Variants in ENTHD1 observed in about 807,000 individuals in gnomAD.
ENTHD1 encodes ENTH domain containing 1, also known as ENTH domain-containing protein 1.
A neutral mutation model predicts 39.1 loss-of-function variants in ENTHD1; 23 were observed. The ratio of observed to expected loss-of-function variants is 0.59; its 90% confidence interval spans 0.42 to 0.83. The LOEUF is 0.83. ENTHD1 is among the 40% of genes least tolerant of loss of function. ENTHD1 has a pLI of 0.00. For synonymous variants in ENTHD1, 230 were observed against 258.2 expected (o/e 0.89, Z 1.05); for missense variants, 624 against 705.4 (o/e 0.88, Z 1.31).
intron 5 of ENTHD1, among the ~76,000 whole-genome samples, chr22:39,796,809 T>C (rs773627524): frequency 6.6e-6 from 1 of 152,248 alleles, no homozygotes; most frequent in Non-Finnish European, 1.5e-5. Context: ...TTCTAAAGAA[T>C]GTTCCACATG....
rs77099034 is a variant in ENTHD1 at position 39,829,142 on chromosome 22, C to T, written c.711+6698G>A. On this transcript the variant is annotated intron_variant, in intron 4 of 6. Coordinates refer to ENST00000325157, the MANE Select transcript of ENTHD1 (RefSeq NM_152512.4). ...TACAAGAGCAGACTACTGAAGAGGACATATTGGAATGTAACAAATGCTCCT... is the reference window on the plus strand; with the variant it reads ...TACAAGAGCAGACTACTGAAGAGGATATATTGGAATGTAACAAATGCTCCT... Among the ~76,000 whole-genome samples, 478 of 152,206 alleles carry T rather than the reference C, an allele frequency of 3.1e-3. 4 individuals are homozygous for T. Among genetic ancestry groups the T allele is most frequent in the East Asian group, 0.026 (133 of 5,184 alleles).
At chr22:39,772,328 C>T (rs756114529) in intron 5 of ENTHD1, among the ~76,000 whole-genome samples, 6 of 152,256 alleles carry the variant, frequency 3.9e-5, no homozygotes, top group Non-Finnish European at 5.9e-5. Flanking sequence ...TCCTGCTGTG[C>T]GGCCCAGTTC....
chr22:39,789,331 C>A (rs1815096426), intron 5 of ENTHD1, among the ~76,000 whole-genome samples: 1 of 152,182 alleles, frequency 6.6e-6, no homozygotes, highest in Admixed American at 6.5e-5. Flanking sequence ...ACCAAATACA[C>A]TGAAAAAAAT....
intron 2 of ENTHD1, chr22:39,875,926 C>G (rs1266871089): frequency 2.5e-6 from 4 of 1,613,830 alleles, no homozygotes; most frequent in Non-Finnish European, 3.4e-6. Context: ...AATGGGTTAT[C>G]CTGATAGGTG....
intron 3 of ENTHD1, among the ~76,000 whole-genome samples, chr22:39,843,225 G>C (rs1484810827): frequency 6.6e-6 from 1 of 152,046 alleles, no homozygotes; most frequent in Non-Finnish European, 1.5e-5. Context: ...GTCCAACAAT[G>C]ATAGACTGGA....
intron 4 of ENTHD1, among the ~76,000 whole-genome samples, chr22:39,831,709 C>A (rs887961433): frequency 1.3e-5 from 2 of 151,780 alleles, no homozygotes; most frequent in African/African-American, 2.4e-5. Context: ...GTCTGTATAC[C>A]CAGCTACTTG....
At chr22:39,800,195 C>T (rs952433503) in intron 5 of ENTHD1, among the ~76,000 whole-genome samples, 2 of 152,246 alleles carry the variant, frequency 1.3e-5, no homozygotes, top group African/African-American at 4.8e-5. Context: ...CCTCTCCAAG[C>T]TCCCAGCCAA....
intron 2 of ENTHD1, among the ~76,000 whole-genome samples, chr22:39,880,564 C>T (rs191194013): frequency 5.9e-5 from 9 of 152,228 alleles, no homozygotes; most frequent in Non-Finnish European, 1.3e-4. Flanking sequence ...GGGGAGGCTA[C>T]GCATGTACAG....
intron 3 of ENTHD1, among the ~76,000 whole-genome samples, chr22:39,857,891 G>T (rs886194378): frequency 1.3e-5 from 2 of 152,120 alleles, no homozygotes; most frequent in Non-Finnish European, 2.9e-5. Flanking sequence ...AGCCTTCAGC[G>T]AGTCTTCATC....
chr22:39,803,877 T>G lies in ENTHD1; in HGVS notation c.832+17116A>C, dbSNP rs557488633. On this transcript the variant is annotated intron_variant, in intron 5 of 6. Transcript: ENST00000325157. ...AAGTGTTTCAACAAAGAATCAATGA[T>G]CTGGTCAGGTGCGGTGGCTCATGCT... Among the ~76,000 whole-genome samples, 8 of 152,276 alleles carry G rather than the reference T, an allele frequency of 5.3e-5. No homozygotes were observed. In the South Asian group the frequency reaches 1.7e-3, roughly 32 times the overall value.
At chr22:39,816,041 G>T (rs74569259) in intron 5 of ENTHD1, among the ~76,000 whole-genome samples, 10 of 152,160 alleles carry the variant, frequency 6.6e-5, no homozygotes, top group African/African-American at 2.4e-4. Context: ...TAGTGCTAGT[G>T]GGGGTGTGAG....
intron 5 of ENTHD1, among the ~76,000 whole-genome samples, chr22:39,790,677 TCGTC>T (rs1391722173): frequency 2.6e-5 from 4 of 152,192 alleles, no homozygotes; most frequent in Non-Finnish European, 4.4e-5. Flanking sequence ...ACTGGTCAGA[TCGTC>T]TGTTTCCCAG....
In ENTHD1 at chr22:39,828,462, G is replaced by A. The variant is rs1305248944; in HGVS notation, c.712-7349C>T. Among the ~76,000 whole-genome samples the A allele has an allele frequency of 2.0e-5, 3 of 152,186 alleles. No individual in the cohort carries two copies. The East Asian group carries it at 5.8e-4, about 29-fold the overall frequency. On this transcript the variant is annotated intron_variant, in intron 4 of 6. Transcript: ENST00000325157. ...ACAACTTTGGTGAGATCAAATTTTA[G>A]GAAATATAATAAATGGCATCCCAAT...
chr22:39,746,020 C>T (rs971643780), intron 6 of ENTHD1, among the ~76,000 whole-genome samples: 2 of 152,218 alleles, frequency 1.3e-5, no homozygotes, highest in African/African-American at 4.8e-5. Flanking sequence ...TATTTTCACT[C>T]ACTGAGGTCA....
chr22:39,864,322 GTTGCTTCTGCCAGGAACTCT>G (rs2066167635), intron 2 of ENTHD1, among the ~76,000 whole-genome samples: 3 of 152,022 alleles, frequency 2.0e-5, no homozygotes, highest in Non-Finnish European at 4.4e-5. Flanking sequence ...TGTTTTGGCT[GTTGCTTCTGCCAGGAACTCT>G]TTGTGTGGCT....
At chr22:39,863,836 G>A (rs1161862650) in intron 2 of ENTHD1, among the ~76,000 whole-genome samples, 2 of 152,206 alleles carry the variant, frequency 1.3e-5, no homozygotes, top group Admixed American at 6.5e-5. Flanking sequence ...AGTGGCCAAC[G>A]ATGTTCTCTC....
chr22:39,840,415 A>C (rs985364967), intron 3 of ENTHD1, among the ~76,000 whole-genome samples: 1 of 152,232 alleles, frequency 6.6e-6, no homozygotes, highest in African/African-American at 2.4e-5. Flanking sequence ...ATGAGATATC[A>C]AACTGACGTT....
intron 5 of ENTHD1, among the ~76,000 whole-genome samples, chr22:39,774,687 G>T (rs548170226): frequency 2.8e-4 from 42 of 152,286 alleles, no homozygotes; most frequent in African/African-American, 1.0e-3. Context: ...ACAAGGCTCT[G>T]CATAAATTAG....
intron 2 of ENTHD1, among the ~76,000 whole-genome samples, chr22:39,868,348 A>G (rs1361053253): frequency 7.1e-6 from 1 of 140,498 alleles, no homozygotes; most frequent in Non-Finnish European, 1.6e-5. Context: ...CCTTTATTTT[A>G]TTAAAAAAAA....
Sources: allele counts gnomAD v4.1 joint callset (sites outside exome capture counted in the v4.1 genomes callset), GRCh38; gene constraint gnomAD v4.1.1; transcripts MANE v1.5; gene names NCBI Gene and HGNC (gene_info 2026-07-23, HGNC 2026-07-21).